GABBR2: variants seen among roughly 807,000 people sequenced by gnomAD.
The protein encoded by GABBR2 is gamma-aminobutyric acid type B receptor subunit 2.
Under a neutral mutation model 105.6 loss-of-function variants are expected in GABBR2, and 23 were observed. That is an observed-to-expected ratio of 0.22 (90% CI 0.16 to 0.31). GABBR2 has a LOEUF of 0.31. GABBR2 is among the 10% of genes least tolerant of loss of function. The pLI is 1.00. For missense variants in GABBR2, 734 were observed against 1,245.5 expected (o/e 0.59, Z 6.18); for synonymous variants, 478 against 499.7 (o/e 0.96, Z 0.58).
At chr9:98,643,718 G>T (rs374823271) in intron 1 of GABBR2, among the ~76,000 whole-genome samples, 14 of 152,348 alleles carry the variant, frequency 9.2e-5, no homozygotes, top group African/African-American at 3.4e-4. Flanking sequence ...TGGCCACAGG[G>T]ACTAGGGCAG....
At chr9:98,351,762 G>C (rs1414128065) in intron 13 of GABBR2, among the ~76,000 whole-genome samples, 2 of 152,082 alleles carry the variant, frequency 1.3e-5, no homozygotes, top group Non-Finnish European at 2.9e-5. Context: ...GTGTTGTCTT[G>C]TATCTCACTG....
In GABBR2 at chr9:98,313,625, T is replaced by A. The variant is rs141821044; in HGVS notation, c.1894-2420A>T. On this transcript the variant is annotated intron_variant, in intron 13 of 18. Coordinates refer to ENST00000259455, the MANE Select transcript of GABBR2 (RefSeq NM_005458.8). ...TAAAGTTGAAGATTCCTTTGCAATC[T>A]GTTTGCCACTGGGAGTATATCACCA... Among the ~76,000 whole-genome samples the A allele has an allele frequency of 1.1e-4, 17 of 152,352 alleles. No individual in the cohort carries two copies. In the East Asian group the frequency reaches 3.3e-3, roughly 29 times the overall value.
At chr9:98,303,179 C>T (rs1830496424) in intron 16 of GABBR2, 62 bp downstream of exon 16, 1 of 1,406,124 alleles carries the variant, frequency 7.1e-7, no homozygotes, top group African/African-American at 1.4e-5. Flanking sequence ...AGAGTCCCCG[C>T]ACAGGGTTAG....
At chr9:98,629,288 A>G (rs1407416544) in intron 1 of GABBR2, among the ~76,000 whole-genome samples, 2 of 152,264 alleles carry the variant, frequency 1.3e-5, no homozygotes, top group African/African-American at 4.8e-5. Context: ...TTAATAAAAA[A>G]GGATAATTTT....
chr9:98,516,344 C>T (rs1234511097), intron 3 of GABBR2: 1 of 152,228 alleles, frequency 6.6e-6, no homozygotes, highest in African/African-American at 2.4e-5. Flanking sequence ...AGGCCCACTC[C>T]TCATGTCTGA....
In GABBR2 at chr9:98,650,133, T is replaced by A. The variant is rs547471574; in HGVS notation, c.321+58284A>T. Reference sequence around the variant, plus strand: ...CTAGAATTTCTATCTCCATTATTTTTAAAAAATTTTTCATGTGTTTCAGTC... The same window carrying A: ...CTAGAATTTCTATCTCCATTATTTTAAAAAAATTTTTCATGTGTTTCAGTC... On this transcript the variant is annotated intron_variant, in intron 1 of 18. Coordinates refer to ENST00000259455, the MANE Select transcript of GABBR2 (RefSeq NM_005458.8). Among the ~76,000 whole-genome samples the A allele has an allele frequency of 3.0e-4, 46 of 152,314 alleles. 2 individuals are homozygous for A. The South Asian group carries it at 8.5e-3, about 28-fold the overall frequency.
intron 1 of GABBR2, among the ~76,000 whole-genome samples, chr9:98,644,804 C>A (rs1289034806): frequency 6.6e-6 from 1 of 152,226 alleles, no homozygotes; most frequent in East Asian, 1.9e-4. Flanking sequence ...TGCACTCCAA[C>A]CTGGGTGACA....
rs947164328 is a variant in GABBR2, at chr9:98,666,989, C to T, written c.321+41428G>A. On this transcript the variant is annotated intron_variant, in intron 1 of 18. Coordinates refer to ENST00000259455, the MANE Select transcript of GABBR2 (RefSeq NM_005458.8). ...CAGGTGATCCACTGGGATAGTGCTC[C>T]GTGGTCCTTTGCCCAATTTTGACAA... Among the ~76,000 whole-genome samples the T allele has an allele frequency of 3.9e-5, 6 of 152,098 alleles. No individual in the cohort carries two copies. In the East Asian group the frequency reaches 7.7e-4, roughly 20 times the overall value.
intron 1 of GABBR2, among the ~76,000 whole-genome samples, chr9:98,686,161 G>A (rs1830618244): frequency 6.6e-6 from 1 of 152,114 alleles, no homozygotes; most frequent in Non-Finnish European, 1.5e-5. Context: ...AGCTCCAGGT[G>A]ATGTCTGATA....
intron 9 of GABBR2, 100 bp downstream of exon 9, chr9:98,394,075 T>C (rs969364103): frequency 8.5e-6 from 7 of 824,984 alleles, no homozygotes; most frequent in South Asian, 6.1e-5. Flanking sequence ...CTTGACCCCC[T>C]GAAGCCAAGG....
chr9:98,689,547 G>C (rs902228655), intron 1 of GABBR2, among the ~76,000 whole-genome samples: 4 of 152,178 alleles, frequency 2.6e-5, no homozygotes, highest in African/African-American at 9.7e-5. Flanking sequence ...AATAACCCAG[G>C]ATTCCCACAT....
In GABBR2 at chr9:98,511,553, A is replaced by G. The variant is rs532845263; in HGVS notation, c.631-15039T>C. ...AAAGAGAGAAGAATCAAATAGACAC[A>G]ATAAAAAATGATAAAGGGGATATCA... On this transcript the variant is annotated intron_variant, in intron 3 of 18. Transcript: ENST00000259455. 2.6e-5 allele frequency among the ~76,000 whole-genome samples: 4 copies of G among 151,712 alleles called. No homozygotes were observed. In the East Asian group the frequency reaches 7.7e-4, roughly 29 times the overall value.
chr9:98,701,600 T>TTTACTTAATGA (rs1830830529), intron 1 of GABBR2, among the ~76,000 whole-genome samples: 1 of 152,122 alleles, frequency 6.6e-6, no homozygotes, highest in Non-Finnish European at 1.5e-5. Flanking sequence ...CATTTACTCA[T>TTTACTTAATGA]GCAGGCTGCT....
intron 6 of GABBR2, among the ~76,000 whole-genome samples, chr9:98,470,783 G>A (rs1588178782): frequency 1.3e-5 from 2 of 151,214 alleles, no homozygotes; most frequent in Admixed American, 1.3e-4. Flanking sequence ...TTGACAATTT[G>A]TTCATCATGG....
chr9:98,297,485 C>T (rs1166182100), intron 17 of GABBR2, among the ~76,000 whole-genome samples: 1 of 151,812 alleles, frequency 6.6e-6, no homozygotes, highest in Admixed American at 6.6e-5. Context: ...CAGTGGCAGG[C>T]ACCTGTAATC....
intron 3 of GABBR2, among the ~76,000 whole-genome samples, chr9:98,502,812 T>C (rs1827431033): frequency 6.6e-6 from 1 of 152,240 alleles, no homozygotes; most frequent in South Asian, 2.1e-4. Flanking sequence ...GCCCAGTCAC[T>C]GCCTGGCTTC....
chr9:98,556,896 T>G (rs1471264864), intron 2 of GABBR2, among the ~76,000 whole-genome samples: 1 of 152,014 alleles, frequency 6.6e-6, no homozygotes, highest in African/African-American at 2.4e-5. Flanking sequence ...AAAAATAAAA[T>G]TAGCCAAGCA....
chr9:98,449,238 C>T (rs569034628), intron 7 of GABBR2, among the ~76,000 whole-genome samples: 5 of 152,142 alleles, frequency 3.3e-5, no homozygotes, highest in Admixed American at 1.3e-4. Context: ...TAAGCGAAAC[C>T]GTCTTTCCTC....
At chr9:98,661,692 C>T (rs1048042382) in intron 1 of GABBR2, among the ~76,000 whole-genome samples, 7 of 152,200 alleles carry the variant, frequency 4.6e-5, no homozygotes, top group African/African-American at 1.4e-4. Flanking sequence ...TGAGCCACCG[C>T]GCCTGGCCTG....
Sources: allele counts gnomAD v4.1 joint callset (sites outside exome capture counted in the v4.1 genomes callset), GRCh38; gene constraint gnomAD v4.1.1; transcripts MANE v1.5; gene names NCBI Gene and HGNC (gene_info 2026-07-23, HGNC 2026-07-21).